The following TF variants were observed in gnomAD, a reference collection of about 807,000 sequenced individuals.
TF encodes serotransferrin.
Under a neutral mutation model 82.4 loss-of-function variants are expected in TF, and 55 were observed. The observed-to-expected ratio is 0.67, with a 90% CI of 0.54 to 0.84. TF has a LOEUF of 0.84. TF is among the 40% of genes least tolerant of loss of function. TF has a pLI of 0.00. For missense variants in TF, 737 were observed against 868.4 expected, an observed-to-expected ratio of 0.85 and a Z score of 1.90; for synonymous variants, 332 against 332.6, an observed-to-expected ratio of 1.00 and a Z score of 0.02.
rs911024636 is a variant in TF at position 133,779,480 on chromosome 3, T to A, written c.*860T>A. The A allele has an allele frequency of 6.6e-6, 1 of 152,322 alleles. No individual in the cohort carries two copies. The highest frequency in any genetic ancestry group is 2.4e-5 in the African/African-American group (1 of 41,458). The allele number at this position is 152,322 out of a possible 1,614,324, so 9.4% of individuals were successfully genotyped here. ...GCAGTTGATAAAGTTGACCACTCCC[T>A]CCTCCTTGGAACTCTTTTCCTCAGT... On this transcript the variant is annotated 3_prime_UTR_variant, in exon 17 of 17. Coordinates refer to ENST00000402696, the MANE Select transcript of TF (RefSeq NM_001063.4).
At chr3:133,663,339 T>TA in the TF span, among the ~76,000 whole-genome samples, 3,659 of 140,938 alleles carry the variant, frequency 0.026, 68 homozygotes, top group African/African-American at 0.058. Flanking sequence ...TGTGCTTTAA[T>TA]AAATATCATT....
chr3:133,737,618 T>C, the TF span, among the ~76,000 whole-genome samples: 1 of 151,842 alleles, frequency 6.6e-6, no homozygotes, highest in Non-Finnish European at 1.5e-5. Flanking sequence ...CAATAAAAAA[T>C]GATAAAGGGG....
intron 9 of TF, chr3:133,761,770 T>C (rs1251501775): frequency 1.3e-5 from 2 of 152,534 alleles, no homozygotes; most frequent in African/African-American, 4.8e-5. Flanking sequence ...TCAGCTTTTA[T>C]TGTATGAAAG....
the TF span, among the ~76,000 whole-genome samples, chr3:133,715,388 G>T: frequency 6.6e-6 from 1 of 152,000 alleles, no homozygotes; most frequent in Non-Finnish European, 1.5e-5. Flanking sequence ...CTCCTACTGG[G>T]GTGAACTGGC....
At chr3:133,674,279 G>C in the TF span, among the ~76,000 whole-genome samples, 2 of 152,220 alleles carry the variant, frequency 1.3e-5, no homozygotes, top group East Asian at 1.9e-4. Flanking sequence ...AACCCCCGCG[G>C]ATCTCTCTCT....
At position 133,757,946 on chromosome 3, in the gene TF, T is replaced by G; in HGVS notation, c.1048T>G (p.Cys350Gly). ...CATCCGGAATCTACGGGAAGGCACA[T>G]GTGAGTACCTGGGAAGAACCAGGTG... Reference protein sequence around the residue: ...TAIRNLREGTCPEAPTDECKP... With the variant: ...TAIRNLREGTGPEAPTDECKP... Residue 350 changes from cysteine to glycine, a missense_variant and splice_region_variant, in exon 8 of 17, where the codon TGC (cysteine) becomes GGC (glycine). By Grantham distance (159) the Cys-to-Gly change is radical. Transcript: ENST00000402696. 4 of 1,614,050 alleles carry G rather than the reference T, an allele frequency of 2.5e-6. No individual in the cohort carries two copies. Among genetic ancestry groups the G allele is most frequent in the Non-Finnish European group, 3.4e-6 (4 of 1,179,992 alleles).
At chr3:133,678,081 A>G in the TF span, among the ~76,000 whole-genome samples, 1 of 151,290 alleles carries the variant, frequency 6.6e-6, no homozygotes, top group Non-Finnish European at 1.5e-5. Context: ...TCATTGTTCA[A>G]CTCCCATTTA....
the TF span, chr3:133,700,741 A>G: frequency 6.6e-6 from 1 of 152,482 alleles, no homozygotes; most frequent in Non-Finnish European, 1.5e-5. Context: ...TGAGCCAGGG[A>G]TGCTGGGGAG....
the TF span, among the ~76,000 whole-genome samples, chr3:133,686,996 C>A: frequency 2.6e-5 from 4 of 152,152 alleles, no homozygotes; most frequent in Non-Finnish European, 4.4e-5. Context: ...ACATATACAC[C>A]ATGGAATACT....
At chr3:133,690,390 C>T in the TF span, among the ~76,000 whole-genome samples, 1 of 151,968 alleles carries the variant, frequency 6.6e-6, no homozygotes, top group African/African-American at 2.4e-5. Context: ...CAAATAAAAC[C>T]ATTCTAAAAA....
the TF span, among the ~76,000 whole-genome samples, chr3:133,677,762 C>G: frequency 2.3e-4 from 35 of 152,158 alleles, no homozygotes; most frequent in African/African-American, 6.3e-4. Context: ...TAGCTCACTG[C>G]AACCCCAAAC....
At chr3:133,744,613 G>A (rs8177179), upstream of TF, among the ~76,000 whole-genome samples, 88,800 of 151,960 alleles carry the variant, frequency 0.58, 26,455 homozygotes, top group East Asian at 0.76. Flanking sequence ...CAAGGGGCCC[G>A]TGGACGGGCA....
chr3:133,678,013 C>G, the TF span, among the ~76,000 whole-genome samples: 2 of 152,162 alleles, frequency 1.3e-5, no homozygotes, highest in Non-Finnish European at 2.9e-5. Flanking sequence ...CTCCCCTAGT[C>G]TCCCACCTCC....
At chr3:133,696,240 G>A in the TF span, among the ~76,000 whole-genome samples, 1 of 151,948 alleles carries the variant, frequency 6.6e-6, no homozygotes, top group South Asian at 2.1e-4. Context: ...AGGCTACAGC[G>A]AGCTATGATC....
the TF span, among the ~76,000 whole-genome samples, chr3:133,667,679 C>T: frequency 6.6e-6 from 1 of 152,164 alleles, no homozygotes; most frequent in African/African-American, 2.4e-5. Context: ...TATTGATAAG[C>T]TTACACATAT....
rs1284104816 is a variant in TF at position 133,757,022 on chromosome 3, G to T, written c.870+13G>T. ...CAACCAGGCCCAGGTATCCCCACCT[G>T]CCATCCTCCCCTCCAGCTTAGTGCT... On this transcript the variant is annotated intron_variant, in intron 7 of 16. Coordinates refer to ENST00000402696, the MANE Select transcript of TF (RefSeq NM_001063.4). The T allele has an allele frequency of 2.9e-5, 47 of 1,614,010 alleles. No homozygotes were observed. Among genetic ancestry groups the T allele is most frequent in the Non-Finnish European group, 3.7e-5 (44 of 1,180,032 alleles).
rs1179891051 is a variant in TF at position 133,779,011 on chromosome 3, G to GGT, written c.*401_*402dup. Reference sequence around the variant, plus strand: ...ATTAAAATATAATCAAATGTATACTGGTGTGTGTGTGCACGTGCGCGTGCG... The same window carrying GGT: ...ATTAAAATATAATCAAATGTATACTGGTGTGTGTGTGTGCACGTGCGCGTGCG... On this transcript the variant is annotated 3_prime_UTR_variant, in exon 17 of 17. Transcript: ENST00000402696. 1.5e-5 allele frequency: 4 copies of GGT among 271,532 alleles called. No homozygotes were observed. Among genetic ancestry groups the GGT allele is most frequent in the East Asian group, 9.3e-5 (1 of 10,702 alleles). 16.8% of individuals were successfully genotyped at this position (271,532 alleles called of 1,614,324 possible). A position where few individuals can be genotyped will look rare whatever the true frequency, so the allele number is the denominator to read the frequency against.
chr3:133,723,718 A>T, the TF span, among the ~76,000 whole-genome samples: 1 of 150,624 alleles, frequency 6.6e-6, no homozygotes, highest in Non-Finnish European at 1.5e-5. Flanking sequence ...CAGGTTAGTT[A>T]CATATGTATA....
chr3:133,696,330 G>A, the TF span, among the ~76,000 whole-genome samples: 1 of 151,844 alleles, frequency 6.6e-6, no homozygotes, highest in Non-Finnish European at 1.5e-5. Context: ...ATTAATTATT[G>A]TTGTTAATCT....
Sources: allele counts gnomAD v4.1 joint callset (sites outside exome capture counted in the v4.1 genomes callset), GRCh38; gene constraint gnomAD v4.1.1; transcripts MANE v1.5; gene names NCBI Gene and HGNC (gene_info 2026-07-23, HGNC 2026-07-21).